The following ROBO2 variants were observed in gnomAD, a reference collection of about 807,000 sequenced individuals.
ROBO2 encodes the protein roundabout guidance receptor 2, also known as roundabout homolog 2.
In ROBO2, 53 loss-of-function variants were observed where a neutral mutation model predicts 160.8. That is an observed-to-expected ratio of 0.33 (90% CI 0.26 to 0.41). The LOEUF is 0.41. ROBO2 is among the 10% of genes least tolerant of loss of function. ROBO2 has a pLI of 1.00. For missense variants in ROBO2, 1,577 were observed against 1,722.4 expected (o/e 0.92, Z 1.49); for synonymous variants, 664 against 611.7 (o/e 1.09, Z -1.26).
intron 2 of ROBO2, among the ~76,000 whole-genome samples, chr3:76,398,660 C>A (rs922058895): frequency 9.9e-5 from 15 of 151,516 alleles, no homozygotes; most frequent in African/African-American, 3.6e-4. Flanking sequence ...ATATTTTAAA[C>A]TAAATATACT....
intron 2 of ROBO2, among the ~76,000 whole-genome samples, chr3:76,091,668 A>C (rs1020121964): frequency 6.6e-6 from 1 of 152,224 alleles, no homozygotes; most frequent in Non-Finnish European, 1.5e-5. Context: ...AAAATTTGGA[A>C]GCAACTAAGA....
chr3:77,454,290 T>C (rs1416297725), intron 2 of ROBO2, among the ~76,000 whole-genome samples: 1 of 152,104 alleles, frequency 6.6e-6, no homozygotes, highest in Non-Finnish European at 1.5e-5. Context: ...GGTTATTGGG[T>C]TTTTGCATTT....
chr3:77,610,435 G>A, intron 21 of ROBO2, among the ~76,000 whole-genome samples: 1 of 152,038 alleles, frequency 6.6e-6, no homozygotes, highest in East Asian at 1.9e-4. Flanking sequence ...GCTGAGCAAT[G>A]TGGAAGAACT....
chr3:76,126,066 G>A (rs1255856389), intron 2 of ROBO2, among the ~76,000 whole-genome samples: 6 of 151,944 alleles, frequency 3.9e-5, no homozygotes, highest in Non-Finnish European at 5.9e-5. Context: ...CACCCTCCTC[G>A]GCCTCCCAAA....
intron 2 of ROBO2, among the ~76,000 whole-genome samples, chr3:76,281,663 G>T (rs192847991): frequency 6.6e-6 from 1 of 151,766 alleles, no homozygotes; most frequent in East Asian, 1.9e-4. Context: ...TTAGATACCG[G>T]ACAAAATTCC....
intron 1 of ROBO2, among the ~76,000 whole-genome samples, chr3:77,090,257 C>T (rs948623112): frequency 6.9e-6 from 1 of 145,286 alleles, no homozygotes; most frequent in South Asian, 2.2e-4. Context: ...AAAAATACTA[C>T]ACTGAACGCT....
chr3:76,448,072 A>G (rs1308612404), intron 2 of ROBO2, among the ~76,000 whole-genome samples: 1 of 152,052 alleles, frequency 6.6e-6, no homozygotes, highest in Non-Finnish European at 1.5e-5. Flanking sequence ...CAGAATAAAT[A>G]AATAAATGAA....
At chr3:76,160,100 T>G (rs1417026427) in intron 2 of ROBO2, among the ~76,000 whole-genome samples, 1 of 152,138 alleles carries the variant, frequency 6.6e-6, no homozygotes, top group African/African-American at 2.4e-5. Context: ...CAAATGTTAT[T>G]TTTTGGCTCT....
chr3:76,765,414 C>A (rs1377316192), intron 2 of ROBO2, among the ~76,000 whole-genome samples: 1 of 151,596 alleles, frequency 6.6e-6, no homozygotes, highest in Admixed American at 6.6e-5. Flanking sequence ...GTTGAAAATT[C>A]TTTGATACTC....
chr3:76,935,246 C>A (rs983240713), intron 2 of ROBO2, among the ~76,000 whole-genome samples: 1 of 152,176 alleles, frequency 6.6e-6, no homozygotes, highest in Admixed American at 6.5e-5. Flanking sequence ...AGCCACCACA[C>A]CCAGCCTAGA....
At chr3:76,570,781 A>C (rs1032912639) in intron 2 of ROBO2, among the ~76,000 whole-genome samples, 2 of 152,150 alleles carry the variant, frequency 1.3e-5, no homozygotes, top group African/African-American at 4.8e-5. Context: ...TGCTCTTTTT[A>C]CTTAAAGTCA....
At chr3:76,785,878 A>G (rs2062941386) in intron 2 of ROBO2, among the ~76,000 whole-genome samples, 1 of 151,314 alleles carries the variant, frequency 6.6e-6, no homozygotes, top group Non-Finnish European at 1.5e-5. Flanking sequence ...TGGATCTGCT[A>G]CAATTGTTTC....
chr3:76,254,697 C>T (rs1005120610), intron 2 of ROBO2, among the ~76,000 whole-genome samples: 4 of 151,000 alleles, frequency 2.6e-5, no homozygotes, highest in African/African-American at 9.7e-5. Flanking sequence ...ATACATGAAC[C>T]CACGTATTAA....
intron 2 of ROBO2, among the ~76,000 whole-genome samples, chr3:76,009,390 A>C (rs554534102): frequency 7.2e-5 from 11 of 152,308 alleles, no homozygotes; most frequent in African/African-American, 2.6e-4. Context: ...GGCGTAAGCC[A>C]CCGCGCCTGG....
intron 2 of ROBO2, among the ~76,000 whole-genome samples, chr3:77,249,647 T>C (rs2090127848): frequency 6.6e-6 from 1 of 152,124 alleles, no homozygotes; most frequent in Non-Finnish European, 1.5e-5. Flanking sequence ...AAAAATGTTA[T>C]AGTTGCCCAA....
At position 77,442,463 on chromosome 3, in the gene ROBO2, A is replaced by C. The variant is rs558139435; in HGVS notation, c.389-34951A>C. Among the ~76,000 whole-genome samples the C allele has an allele frequency of 4.6e-5, 7 of 152,284 alleles. 1 individual carries two copies. Among genetic ancestry groups the C allele is most frequent in the Admixed American group, 1.3e-4 (2 of 15,288 alleles). ...TTTCAAACTTTTTTCACCCAATGAAAACCTTTTCTTCATGGCAGAGCTGTA... is the reference window on the plus strand; with the variant it reads ...TTTCAAACTTTTTTCACCCAATGAACACCTTTTCTTCATGGCAGAGCTGTA... On this transcript the variant is annotated intron_variant, in intron 2 of 25. Transcript: ENST00000461745.
chr3:77,585,782 T>C (rs2094031098), intron 16 of ROBO2, among the ~76,000 whole-genome samples: 1 of 152,108 alleles, frequency 6.6e-6, no homozygotes, highest in Non-Finnish European at 1.5e-5. Flanking sequence ...TGCCCTTATC[T>C]ACACAACTGT....
intron 2 of ROBO2, among the ~76,000 whole-genome samples, chr3:76,956,825 A>G (rs986168585): frequency 7.9e-5 from 12 of 152,080 alleles, no homozygotes; most frequent in African/African-American, 2.9e-4. Context: ...CCCCAGAGGA[A>G]CACCAACAAA....
chr3:77,145,986 T>C (rs1222691514), intron 2 of ROBO2, among the ~76,000 whole-genome samples: 2 of 152,136 alleles, frequency 1.3e-5, no homozygotes, highest in African/African-American at 4.8e-5. Context: ...TTACAGCCAC[T>C]GCTCAAGTCA....
Sources: allele counts gnomAD v4.1 joint callset (sites outside exome capture counted in the v4.1 genomes callset), GRCh38; gene constraint gnomAD v4.1.1; transcripts MANE v1.5; gene names NCBI Gene and HGNC (gene_info 2026-07-23, HGNC 2026-07-21).